The following DLG2 variants were observed in gnomAD, a reference collection of about 807,000 sequenced individuals.
DLG2 encodes the protein disks large homolog 2.
DLG2 carries 45 observed loss-of-function variants against 132.5 expected under a neutral mutation model. The ratio of observed to expected loss-of-function variants is 0.34; its 90% CI spans 0.27 to 0.44. The LOEUF (loss-of-function observed/expected upper bound fraction) is 0.44, where lower values mean the gene tolerates loss of function less well. DLG2 is among the 20% of genes least tolerant of loss of function. The pLI is 1.00. For synonymous variants in DLG2, 424 were observed against 419.6 expected, an observed-to-expected ratio of 1.01 and a Z score of -0.13; for missense variants, 1,045 against 1,196.9, an observed-to-expected ratio of 0.87 and a Z score of 1.87.
intron 3 of DLG2, among the ~76,000 whole-genome samples, chr11:85,385,610 T>C (rs1262562884): frequency 6.6e-6 from 1 of 152,184 alleles, no homozygotes; most frequent in Non-Finnish European, 1.5e-5. Context: ...TAAATAAGTA[T>C]TTTAGCCTGT....
chr11:85,285,621 A>G (rs1305340778), intron 3 of DLG2, among the ~76,000 whole-genome samples: 4 of 152,020 alleles, frequency 2.6e-5, no homozygotes, highest in African/African-American at 9.7e-5. Context: ...TAGTAAATCC[A>G]TATAATAGAA....
intron 9 of DLG2, among the ~76,000 whole-genome samples, chr11:84,123,151 T>A (rs1316084960): frequency 6.6e-6 from 1 of 152,226 alleles, no homozygotes; most frequent in Non-Finnish European, 1.5e-5. Flanking sequence ...ATATGTTTCA[T>A]TGGTAAGATA....
At chr11:84,170,106 A>T (rs143839854) in intron 8 of DLG2, among the ~76,000 whole-genome samples, 1 of 152,228 alleles carries the variant, frequency 6.6e-6, no homozygotes, top group African/African-American at 2.4e-5. Flanking sequence ...GCCTTGATCA[A>T]AGCAGGTCTC....
intron 3 of DLG2, among the ~76,000 whole-genome samples, chr11:85,508,698 A>G (rs572407701): frequency 6.6e-6 from 1 of 152,218 alleles, no homozygotes; most frequent in African/African-American, 2.4e-5. Context: ...CAAACATACC[A>G]AAGTGTTAAC....
At chr11:84,687,700 C>T (rs1595771336) in intron 6 of DLG2, among the ~76,000 whole-genome samples, 1 of 152,234 alleles carries the variant, frequency 6.6e-6, no homozygotes, top group South Asian at 2.1e-4. Context: ...CACCTTCTTT[C>T]CTACCTATCA....
chr11:85,203,023 A>G (rs2081583846), intron 4 of DLG2, among the ~76,000 whole-genome samples: 1 of 150,376 alleles, frequency 6.6e-6, no homozygotes, highest in East Asian at 1.9e-4. Context: ...TATTAAATAA[A>G]CTTAATATTA....
intron 6 of DLG2, among the ~76,000 whole-genome samples, chr11:84,819,904 T>C (rs951305689): frequency 4.0e-5 from 6 of 151,506 alleles, no homozygotes; most frequent in African/African-American, 1.5e-4. Context: ...CCCCAGCACA[T>C]CTGGAGACCT....
chr11:84,640,727 G>A (rs368587484), intron 6 of DLG2, among the ~76,000 whole-genome samples: 3 of 152,092 alleles, frequency 2.0e-5, no homozygotes, highest in African/African-American at 7.2e-5. Context: ...CGATCATGAG[G>A]TCAGGAGTTC....
At chr11:85,286,028 G>A in intron 3 of DLG2, 4 of 391,200 alleles carry the variant, frequency 1.0e-5, no homozygotes, top group Non-Finnish European at 1.5e-5. Flanking sequence ...TGTTACAAAG[G>A]AATGTAACTG....
chr11:83,864,817 A>G (rs1237180241), intron 16 of DLG2, among the ~76,000 whole-genome samples: 2 of 85,470 alleles, frequency 2.3e-5, no homozygotes, highest in Non-Finnish European at 5.6e-5. Context: ...TATATGCAGA[A>G]AAAAAAACCA....
chr11:84,479,073 A>T (rs1448401167), intron 7 of DLG2, among the ~76,000 whole-genome samples: 1 of 152,120 alleles, frequency 6.6e-6, no homozygotes, highest in Non-Finnish European at 1.5e-5. Context: ...TCTTCACTGT[A>T]CTGTTTGCTC....
At chr11:85,181,733 T>G (rs547502473) in intron 4 of DLG2, among the ~76,000 whole-genome samples, 25 of 151,856 alleles carry the variant, frequency 1.6e-4, no homozygotes, top group Non-Finnish European at 1.3e-4. Context: ...GAAAGGAGAA[T>G]TTTGTTGTGG....
intron 7 of DLG2, among the ~76,000 whole-genome samples, chr11:84,510,898 A>T (rs1400920256): frequency 6.6e-6 from 1 of 151,892 alleles, no homozygotes; most frequent in African/African-American, 2.4e-5. Context: ...GAGAAGGGAG[A>T]AGGAAGAAAC....
chr11:83,866,577 C>T (rs55933535), intron 16 of DLG2, among the ~76,000 whole-genome samples: 10,141 of 152,012 alleles, frequency 0.067, 436 homozygotes, highest in East Asian at 0.17. Context: ...TTCTGCAGCA[C>T]GCTGTTTTGG....
intron 19 of DLG2, among the ~76,000 whole-genome samples, chr11:83,553,288 TATCAATGCC>T (rs2096436617): frequency 6.6e-6 from 1 of 152,184 alleles, no homozygotes; most frequent in Non-Finnish European, 1.5e-5. Flanking sequence ...GTTTTTCCAC[TATCAATGCC>T]ATCTCATAAT....
chr11:83,579,752 T>C (rs1180027640), intron 19 of DLG2, among the ~76,000 whole-genome samples: 4 of 151,822 alleles, frequency 2.6e-5, no homozygotes, highest in African/African-American at 9.7e-5. Flanking sequence ...AGGCGGATCA[T>C]GAGGTCAGGA....
At chr11:84,422,578 C>T (rs953681533) in intron 7 of DLG2, among the ~76,000 whole-genome samples, 1 of 152,160 alleles carries the variant, frequency 6.6e-6, no homozygotes, top group African/African-American at 2.4e-5. Context: ...TCATTACGCA[C>T]ATTCAATTTT....
chr11:84,891,072 A>G (rs1348365020), intron 6 of DLG2: 4 of 152,166 alleles, frequency 2.6e-5, no homozygotes, highest in Non-Finnish European at 5.9e-5. Flanking sequence ...AGGGGCTCCA[A>G]ATTCCAAATA....
At chr11:84,103,988 A>T (rs2092722556) in intron 9 of DLG2, among the ~76,000 whole-genome samples, 1 of 152,154 alleles carries the variant, frequency 6.6e-6, no homozygotes, top group Non-Finnish European at 1.5e-5. Flanking sequence ...ATAATCAGAG[A>T]AACATGAAAA....
Sources: allele counts gnomAD v4.1 joint callset (sites outside exome capture counted in the v4.1 genomes callset), GRCh38; gene constraint gnomAD v4.1.1; transcripts MANE v1.5; gene names NCBI Gene and HGNC (gene_info 2026-07-23, HGNC 2026-07-21).